Variants in CCSER1 observed in about 807,000 individuals in gnomAD.
CCSER1 encodes the protein serine-rich coiled-coil domain-containing protein 1.
In CCSER1, 41 loss-of-function variants were observed where a neutral mutation model predicts 82.0. That is an observed-to-expected ratio of 0.50 (90% CI 0.39 to 0.65). The LOEUF (loss-of-function observed/expected upper bound fraction) is 0.65, where lower values mean the gene tolerates loss of function less well. Ranked by LOEUF, CCSER1 falls within the 30% of genes least tolerant of loss-of-function variation. The pLI, the probability that CCSER1 is intolerant of heterozygous loss-of-function variation, is 0.00. For missense variants in CCSER1, 1,119 were observed against 1,064.2 expected (o/e 1.05, Z -0.72); for synonymous variants, 414 against 383.9 (o/e 1.08, Z -0.92).
chr4:90,253,427 T>C (rs1340808290), intron 1 of CCSER1, among the ~76,000 whole-genome samples: 1 of 152,196 alleles, frequency 6.6e-6, no homozygotes, highest in African/African-American at 2.4e-5. Flanking sequence ...AGAATGTTTT[T>C]ATTCAACAAC....
intron 1 of CCSER1, among the ~76,000 whole-genome samples, chr4:90,207,635 T>G (rs1739135669): frequency 6.6e-6 from 1 of 152,206 alleles, no homozygotes; most frequent in South Asian, 2.1e-4. Context: ...TGTGGATGTA[T>G]CTACCTTTGG....
intron 10 of CCSER1, among the ~76,000 whole-genome samples, chr4:91,104,128 A>G (rs897100336): frequency 6.6e-6 from 1 of 152,128 alleles, no homozygotes. Flanking sequence ...TTGTGGTCAG[A>G]TCGGTTCTCT....
At chr4:91,144,815 G>T (rs750593356) in intron 10 of CCSER1, among the ~76,000 whole-genome samples, 6 of 151,744 alleles carry the variant, frequency 4.0e-5, no homozygotes, top group Non-Finnish European at 8.8e-5. Flanking sequence ...TTCTACTGTG[G>T]TTCTAGAACA....
chr4:90,700,295 G>A (rs187573993), intron 6 of CCSER1, among the ~76,000 whole-genome samples: 60 of 152,078 alleles, frequency 3.9e-4, no homozygotes, highest in African/African-American at 1.2e-3. Flanking sequence ...AGCTTCATCC[G>A]TGTCCCTACA....
intron 10 of CCSER1, among the ~76,000 whole-genome samples, chr4:91,356,286 G>T (rs1443952820): frequency 6.6e-6 from 1 of 152,224 alleles, no homozygotes; most frequent in Admixed American, 6.5e-5. Flanking sequence ...CCTCAGGGCT[G>T]GGGCCGACAT....
intron 10 of CCSER1, among the ~76,000 whole-genome samples, chr4:91,340,527 T>A (rs1381962094): frequency 1.3e-5 from 2 of 152,174 alleles, no homozygotes; most frequent in Admixed American, 6.6e-5. Flanking sequence ...GCTTTTTTGT[T>A]AAGTAATTAA....
intron 9 of CCSER1, among the ~76,000 whole-genome samples, chr4:91,071,314 G>A (rs1190253536): frequency 1.3e-5 from 2 of 152,156 alleles, no homozygotes; most frequent in South Asian, 2.1e-4. Flanking sequence ...TTTTAAGGGT[G>A]CCAGAAGTGA....
chr4:91,198,928 CCTTTCT>C (rs1735679915), intron 10 of CCSER1, among the ~76,000 whole-genome samples: 1 of 152,026 alleles, frequency 6.6e-6, no homozygotes, highest in African/African-American at 2.4e-5. Flanking sequence ...TTTCTCTTTC[CCTTTCT>C]CTTTCTATTC....
chr4:90,223,859 G>C (rs896736596), intron 1 of CCSER1, among the ~76,000 whole-genome samples: 1 of 152,088 alleles, frequency 6.6e-6, no homozygotes, highest in Non-Finnish European at 1.5e-5. Context: ...TTGTCCTATG[G>C]GAGAGGAAAT....
intron 6 of CCSER1, among the ~76,000 whole-genome samples, chr4:90,719,955 C>CT (rs1742374621): frequency 6.6e-6 from 1 of 152,040 alleles, no homozygotes; most frequent in Admixed American, 6.6e-5. Flanking sequence ...TTTGTCTCGT[C>CT]TATTTATTTG....
chr4:90,559,971 T>TACA lies in CCSER1; in HGVS notation c.1725-68040_1725-68038dup, dbSNP rs1324159200. Among the ~76,000 whole-genome samples the TACA allele has an allele frequency of 4.6e-5, 7 of 150,592 alleles. No homozygotes were observed. The South Asian group carries it at 6.3e-4, about 14-fold the overall frequency. On this transcript the variant is annotated intron_variant, in intron 5 of 10. Transcript: ENST00000509176. ...TTTCTCAAAAAAAAAAAGGAAAAAC[T>TACA]ACAACAACAACAACAAAAACAAAAG... is the stretch of plus-strand genomic sequence containing the variant.
chr4:91,451,973 G>T (rs568739362), intron 10 of CCSER1, among the ~76,000 whole-genome samples: 1 of 152,062 alleles, frequency 6.6e-6, no homozygotes, highest in Admixed American at 6.6e-5. Flanking sequence ...TATCTTAGTT[G>T]TGTTCCTGAA....
intron 7 of CCSER1, among the ~76,000 whole-genome samples, chr4:90,782,247 ACTAAT>A (rs1014757916): frequency 4.6e-5 from 7 of 152,216 alleles, no homozygotes; most frequent in Middle Eastern, 3.2e-3. Context: ...GAATTTGTAG[ACTAAT>A]CTAAGGAAAT....
At chr4:90,207,079 T>C (rs1195637098) in intron 1 of CCSER1, among the ~76,000 whole-genome samples, 1 of 152,130 alleles carries the variant, frequency 6.6e-6, no homozygotes, top group Non-Finnish European at 1.5e-5. Context: ...CTGTTGTGTG[T>C]CTTTGCATGT....
At chr4:90,603,216 T>C (rs1252025123) in intron 5 of CCSER1, among the ~76,000 whole-genome samples, 1 of 152,178 alleles carries the variant, frequency 6.6e-6, no homozygotes, top group Non-Finnish European at 1.5e-5. Flanking sequence ...GGCTAGCAAA[T>C]GTTAGGCCCA....
intron 8 of CCSER1, among the ~76,000 whole-genome samples, chr4:90,904,108 G>T (rs965975558): frequency 6.6e-6 from 1 of 151,690 alleles, no homozygotes; most frequent in Non-Finnish European, 1.5e-5. Flanking sequence ...TTGACTCTTG[G>T]TCTTGGTTTT....
At position 90,312,937 on chromosome 4, in the gene CCSER1, A is replaced by G; in HGVS notation, c.1399A>G (p.Thr467Ala). ...ERRLRSSSEG[T>A]AGSSRMILKP... ...GAGACTGCGATCCTCGTCAGAAGGC[A>G]CTGCAGGGAGTAGCAGAATGATTTT... The change falls in exon 3 of 11, where the codon ACT becomes GCT. Residue 467 changes from threonine to alanine, a missense_variant. Physicochemically the swap from Thr to Ala is moderately conservative, Grantham distance 58 (BLOSUM62 0). Transcript: ENST00000509176. The G allele has an allele frequency of 6.3e-6, 10 of 1,590,198 alleles. No individual in the cohort carries two copies. The highest frequency in any genetic ancestry group is 8.6e-6 in the Non-Finnish European group (10 of 1,167,090).
intron 10 of CCSER1, among the ~76,000 whole-genome samples, chr4:91,419,729 T>A (rs1753587339): frequency 6.6e-6 from 1 of 151,758 alleles, no homozygotes; most frequent in South Asian, 2.1e-4. Context: ...GCCACAAAAG[T>A]CCAATAATAG....
chr4:90,354,783 T>C (rs1001948404), intron 3 of CCSER1, among the ~76,000 whole-genome samples: 8 of 146,932 alleles, frequency 5.4e-5, no homozygotes, highest in African/African-American at 1.8e-4. Flanking sequence ...TCAAATAGAA[T>C]TTAGATAACT....
Sources: allele counts gnomAD v4.1 joint callset (sites outside exome capture counted in the v4.1 genomes callset), GRCh38; gene constraint gnomAD v4.1.1; transcripts MANE v1.5; gene names NCBI Gene and HGNC (gene_info 2026-07-23, HGNC 2026-07-21).